ESR1: variants seen among roughly 807,000 people sequenced by gnomAD.
ESR1 encodes estrogen receptor 1.
In ESR1, 12 loss-of-function variants were observed where a neutral mutation model predicts 52.7. The ratio of observed to expected loss-of-function variants is 0.23; its 90% confidence interval spans 0.15 to 0.37. The LOEUF is 0.37. Among genes scored for constraint, ESR1 ranks in the 10% least tolerant of loss-of-function variants. ESR1 has a pLI of 1.00. For synonymous variants in ESR1, 305 were observed against 316.8 expected (o/e 0.96, Z 0.39); for missense variants, 584 against 779.7 (o/e 0.75, Z 2.99).
chr6:151,934,366 C>T (rs546097165), intron 3 of ESR1, among the ~76,000 whole-genome samples: 3 of 152,266 alleles, frequency 2.0e-5, no homozygotes, highest in South Asian at 2.1e-4. Context: ...AAAAATATGA[C>T]GTTGTGAGGA....
At chr6:152,121,298 A>G (rs2051337207) in intron 6 of ESR1, among the ~76,000 whole-genome samples, 1 of 152,258 alleles carries the variant, frequency 6.6e-6, no homozygotes, top group Non-Finnish European at 1.5e-5. Flanking sequence ...TTTGCAGCAA[A>G]GAAGGAATCT....
intron 2 of ESR1, among the ~76,000 whole-genome samples, chr6:151,763,752 C>G (rs986520697): frequency 2.0e-5 from 3 of 152,200 alleles, no homozygotes; most frequent in Non-Finnish European, 4.4e-5. Context: ...AATCAACATT[C>G]ACTCACAAGT....
chr6:151,816,943 G>A (rs939143219), intron 1 of ESR1, among the ~76,000 whole-genome samples: 11 of 152,164 alleles, frequency 7.2e-5, no homozygotes, highest in African/African-American at 2.7e-4. Flanking sequence ...AATAAAAAGA[G>A]TGAGGGGCAT....
intron 3 of ESR1, among the ~76,000 whole-genome samples, chr6:151,894,191 T>A (rs1334472506): frequency 2.6e-5 from 4 of 152,202 alleles, no homozygotes; most frequent in Non-Finnish European, 5.9e-5. Flanking sequence ...CCACTTTGTA[T>A]CTTCTTTTGA....
chr6:151,809,291 AT>A (rs1308637251), intron 1 of ESR1: 12 of 351,810 alleles, frequency 3.4e-5, no homozygotes, highest in East Asian at 1.1e-4. Context: ...CCTCATTTTA[AT>A]TTTTTTCCCT....
chr6:151,753,625 G>A (rs1583132677), intron 2 of ESR1, among the ~76,000 whole-genome samples: 1 of 152,106 alleles, frequency 6.6e-6, no homozygotes, highest in South Asian at 2.1e-4. Flanking sequence ...GCCTGATTGT[G>A]TTTTAATGTA....
intron 3 of ESR1, among the ~76,000 whole-genome samples, chr6:151,882,252 C>T (rs926821839): frequency 1.3e-5 from 2 of 152,050 alleles, no homozygotes; most frequent in Admixed American, 6.6e-5. Context: ...ATAAATACGC[C>T]AGACAGGTTG....
At position 152,094,393 on chromosome 6, in the gene ESR1, A is replaced by G. The variant is rs779406855; in HGVS notation, c.1378A>G (p.Thr460Ala). 1.2e-6 allele frequency: 2 copies of G among 1,614,046 alleles called. No homozygotes were observed. The highest frequency in any genetic ancestry group is 3.3e-5 in the Admixed American group (2 of 60,024). Reference protein sequence around the residue: ...SIILLNSGVYTFLSSTLKSLE... With the variant: ...SIILLNSGVYAFLSSTLKSLE... ...TCTCTCTGCGCATTCAGGAGTGTAC[A>G]CATTTCTGTCCAGCACCCTGAAGTC... Residue 460 changes from threonine to alanine, a missense_variant, in exon 7 of 8, where the codon ACA (threonine) becomes GCA (alanine). This residue lies in a region of ESR1 where 141 missense variants were observed against 289.3 expected (regional missense o/e 0.49). Coordinates refer to ENST00000206249, the MANE Select transcript of ESR1 (RefSeq NM_000125.4). This position sits in a 1 kb window ranked among gnomAD's most constrained non-coding sequence, Gnocchi z 4.6.
In ESR1 at chr6:151,807,942, T is replaced by C. The variant is rs2077647; in HGVS notation, c.30T>C (p.Ser10=). The C allele has an allele frequency of 0.47, 765,991 of 1,613,166 alleles. 182,620 individuals carry two copies. The highest frequency in any genetic ancestry group is 0.49 in the African/African-American group (36,650 of 74,950). Residue 10 remains serine (S), a synonymous_variant, in exon 1 of 8, where the codon TCT becomes TCC. Transcript: ENST00000206249. MTMTLHTKA[S]GMALLHQIQG... ...CCATGACCCTCCACACCAAAGCATCTGGGATGGCCCTACTGCATCAGATCC... is the reference window on the plus strand; with the variant it reads ...CCATGACCCTCCACACCAAAGCATCCGGGATGGCCCTACTGCATCAGATCC...
intron 3 of ESR1, among the ~76,000 whole-genome samples, chr6:151,940,009 C>G (rs2034862648): frequency 6.6e-6 from 1 of 152,040 alleles, no homozygotes; most frequent in Non-Finnish European, 1.5e-5. Flanking sequence ...CATTTTCATA[C>G]TGCTATAAAG....
At chr6:151,726,314 T>C (rs1486741758) in intron 2 of ESR1, among the ~76,000 whole-genome samples, 1 of 152,204 alleles carries the variant, frequency 6.6e-6, no homozygotes, top group Admixed American at 6.5e-5. Flanking sequence ...TTTGACACTT[T>C]TATGTTATTA....
In ESR1 at chr6:151,741,129, C is replaced by T. The variant is rs945280756; in HGVS notation, c.-71+39124C>T. Among the ~76,000 whole-genome samples, 12 of 152,210 alleles carry T rather than the reference C, an allele frequency of 7.9e-5. No individual in the cohort carries two copies. In the South Asian group the frequency reaches 1.0e-3, roughly 13 times the overall value. On this transcript the variant is annotated intron_variant, in intron 2 of 2. Coordinates refer to the ESR1 transcript ENST00000404742. ...GCTCCCTAGCACTCATAGCAATGTC[C>T]ATTTTCTATCCTTTGTGCCCTGATG...
intron 4 of ESR1, among the ~76,000 whole-genome samples, chr6:152,006,786 G>T (rs558045579): frequency 6.6e-6 from 1 of 152,032 alleles, no homozygotes. Context: ...GAACATTGGG[G>T]TCATCATATG....
intron 1 of ESR1, chr6:151,809,152 C>G (rs1193019277): frequency 6.8e-6 from 3 of 442,176 alleles, no homozygotes; most frequent in Middle Eastern, 3.3e-4. Flanking sequence ...CCTGTCCCAC[C>G]CGGGGAGAAT....
chr6:151,919,587 G>T (rs559007742), intron 3 of ESR1, among the ~76,000 whole-genome samples: 2 of 152,322 alleles, frequency 1.3e-5, no homozygotes, highest in African/African-American at 2.4e-5. Context: ...GTTACAAATT[G>T]TTGACCCCAT....
In ESR1 at chr6:151,993,515, G is replaced by C. The variant is rs2041213443; in HGVS notation, c.1097-18141G>C. Among the ~76,000 whole-genome samples, 4 of 152,290 alleles carry C rather than the reference G, an allele frequency of 2.6e-5. 1 individual carries two copies. In the South Asian group the frequency reaches 8.3e-4, roughly 32 times the overall value. ...AGAAAACAAGTCAAGGAAAGGACCAGAGGAGCACGAGGGCACATGCCTTGT... is the reference window on the plus strand; with the variant it reads ...AGAAAACAAGTCAAGGAAAGGACCACAGGAGCACGAGGGCACATGCCTTGT... On this transcript the variant is annotated intron_variant, in intron 4 of 7. Transcript: ENST00000206249.
rs543629994 is a variant in ESR1 at position 151,813,490 on chromosome 6, A to G, written c.452+5126A>G. Reference sequence around the variant, plus strand: ...CTGGAGATGTTCATCCTATACAGAAATCCAATCCTTTAAATCTACTTGGCT... The same window carrying G: ...CTGGAGATGTTCATCCTATACAGAAGTCCAATCCTTTAAATCTACTTGGCT... On this transcript the variant is annotated intron_variant, in intron 1 of 7. Coordinates refer to ENST00000206249, the MANE Select transcript of ESR1 (RefSeq NM_000125.4). 2.1e-4 allele frequency: 32 copies of G among 152,284 alleles called. 1 individual carries two copies. In the East Asian group the frequency reaches 5.8e-3, roughly 28 times the overall value. The allele number at this position is 152,284 out of a possible 1,614,324, so 9.4% of individuals were successfully genotyped here.
At chr6:151,834,172 A>G (rs559244323) in intron 1 of ESR1, among the ~76,000 whole-genome samples, 2 of 152,302 alleles carry the variant, frequency 1.3e-5, no homozygotes, top group East Asian at 3.9e-4. Flanking sequence ...CAGAAATACC[A>G]TTTGGCCCAG....
chr6:152,035,856 T>C (rs1205244117), intron 5 of ESR1, among the ~76,000 whole-genome samples: 1 of 152,080 alleles, frequency 6.6e-6, no homozygotes, highest in Non-Finnish European at 1.5e-5. Context: ...AATTGATATC[T>C]ACATAGAAAA....
Sources: gnomAD v4.1 joint callset for allele counts (sites outside exome capture counted in the v4.1 genomes callset) on GRCh38, gnomAD v4.1.1 for gene constraint, gnomAD v4.1.1 regional missense constraint, Gnocchi (gnomAD v3.1) non-coding constraint, MANE v1.5 for transcripts, NCBI Gene and HGNC (gene_info 2026-07-23, HGNC 2026-07-21) for gene names.